The following TEX10 variants were observed in gnomAD, a reference collection of about 807,000 sequenced individuals.
TEX10 encodes testis-expressed protein 10.
A neutral mutation model predicts 104.4 loss-of-function variants in TEX10; 24 were observed. The ratio of observed to expected loss-of-function variants is 0.23; its 90% CI spans 0.17 to 0.32. TEX10 has a LOEUF of 0.32. Among genes scored for constraint, TEX10 ranks in the 10% least tolerant of loss-of-function variants. The pLI is 1.00. For synonymous variants in TEX10, 396 were observed against 393.4 expected (o/e 1.01, Z -0.08); for missense variants, 921 against 1,083.9 (o/e 0.85, Z 2.11).
At chr9:100,341,175 C>T (rs909460198) in intron 4 of TEX10, among the ~76,000 whole-genome samples, 1 of 152,034 alleles carries the variant, frequency 6.6e-6, no homozygotes, top group African/African-American at 2.4e-5. Flanking sequence ...CATGTTGACC[C>T]GGCTGGTCTT....
intron 1 of TEX10, among the ~76,000 whole-genome samples, chr9:100,351,060 C>T (rs1434280891): frequency 6.6e-6 from 1 of 152,054 alleles, no homozygotes; most frequent in Non-Finnish European, 1.5e-5. Context: ...GTCTCAGGAT[C>T]AGGACATACC....
chr9:100,319,828 AT>A (rs1256809728), intron 11 of TEX10, among the ~76,000 whole-genome samples: 2 of 152,218 alleles, frequency 1.3e-5, no homozygotes, highest in African/African-American at 4.8e-5. Flanking sequence ...ATAAAATAAA[AT>A]AAAAAATAAG....
At chr9:100,313,513 CA>C (rs34520951) in intron 11 of TEX10, among the ~76,000 whole-genome samples, 24,467 of 108,738 alleles carry the variant, frequency 0.23, 2,222 homozygotes, top group African/African-American at 0.31. Context: ...GAAACTTGGT[CA>C]AAAAAAAAAA....
intron 11 of TEX10, among the ~76,000 whole-genome samples, chr9:100,316,915 A>AAAAAC (rs1217250328): frequency 1.3e-5 from 2 of 151,054 alleles, no homozygotes; most frequent in African/African-American, 4.9e-5. Flanking sequence ...AAAAAAAAAA[A>AAAAAC]ACCTAGGAAT....
intron 5 of TEX10, among the ~76,000 whole-genome samples, chr9:100,334,056 T>C (rs1433198261): frequency 6.6e-6 from 1 of 152,184 alleles, no homozygotes; most frequent in South Asian, 2.1e-4. Context: ...ATGCATTAAA[T>C]TGGTCTTGAA....
In TEX10 at chr9:100,352,878, G is replaced by A; in HGVS notation, c.-116C>T. The A allele has an allele frequency of 2.0e-6, 2 of 997,866 alleles. No homozygotes were observed. The highest frequency in any genetic ancestry group is 2.4e-6 in the Non-Finnish European group (2 of 838,962). The allele number at this position is 997,866 out of a possible 1,614,324, so 61.8% of individuals were successfully genotyped here. ...CGCCGACCTCAGGCTCTAGCTCCCG[G>A]AGCGTGTTTTCAAATAGCCTCGTCC... On this transcript the variant is annotated 5_prime_UTR_variant, in exon 1 of 15. Transcript: ENST00000374902.
chr9:100,344,889 T>A (rs915672106), intron 4 of TEX10, among the ~76,000 whole-genome samples: 5 of 152,134 alleles, frequency 3.3e-5, no homozygotes, highest in Admixed American at 2.0e-4. Context: ...AAAGTCCATG[T>A]TGAATATTAC....
chr9:100,318,585 G>A (rs1834483005), intron 11 of TEX10, among the ~76,000 whole-genome samples: 1 of 152,072 alleles, frequency 6.6e-6, no homozygotes, highest in South Asian at 2.1e-4. Flanking sequence ...TAACAAAACT[G>A]CATTTGTACC....
chr9:100,303,605 C>T, intron 14 of TEX10, 27 bp downstream of exon 14: 1 of 1,611,482 alleles, frequency 6.2e-7, no homozygotes, highest in Non-Finnish European at 8.5e-7. Context: ...GCTAATACTG[C>T]AAAGCCTCCG....
Position 100,352,883 on chromosome 9 carries a change from T to C in TEX10, c.-121A>G, listed in dbSNP as rs1443256321. The stretch of plus-strand genomic sequence containing the variant: ...ACCTCAGGCTCTAGCTCCCGGAGCG[T>C]GTTTTCAAATAGCCTCGTCCTCACG... On this transcript the variant is annotated 5_prime_UTR_variant, in exon 1 of 15. Coordinates refer to ENST00000374902, the MANE Select transcript of TEX10 (RefSeq NM_017746.4). 5 of 996,434 alleles carry C rather than the reference T, an allele frequency of 5.0e-6. No individual in the cohort carries two copies. The highest frequency in any genetic ancestry group is 1.7e-5 in the African/African-American group (1 of 57,456). 61.7% of individuals were successfully genotyped at this position (996,434 alleles called of 1,614,324 possible).
At chr9:100,303,919 T>C (rs1024467797) in intron 13 of TEX10, 77 bp from the exon 14 acceptor site, 2 of 1,370,754 alleles carry the variant, frequency 1.5e-6, no homozygotes, top group African/African-American at 2.9e-5. Flanking sequence ...TCCCCCAAAG[T>C]GAAATGTCCT....
chr9:100,344,615 C>CGCCT (rs1835256975), intron 4 of TEX10, among the ~76,000 whole-genome samples: 3 of 152,162 alleles, frequency 2.0e-5, no homozygotes, highest in Admixed American at 6.6e-5. Flanking sequence ...GAGGCTGAGG[C>CGCCT]GGGTGGATCA....
chr9:100,339,362 TTATA>T (rs1156702761), intron 5 of TEX10, among the ~76,000 whole-genome samples: 4 of 63,430 alleles, frequency 6.3e-5, no homozygotes, highest in South Asian at 7.4e-4. Context: ...TTTTATATAT[TTATA>T]TATATTTATA....
rs374400521 is a variant in TEX10, at chr9:100,302,184, G to A, written c.*7C>T. ...AACAACTTCAAACAGGAGGTACTAT[G>A]GCCTCTTCAATACACTGTAGCCAGT... On this transcript the variant is annotated 3_prime_UTR_variant, in exon 15 of 15. Coordinates refer to ENST00000374902, the MANE Select transcript of TEX10 (RefSeq NM_017746.4). 26 of 1,525,870 alleles carry A rather than the reference G, an allele frequency of 1.7e-5. No homozygotes were observed. The African/African-American group carries it at 2.3e-4, about 14-fold the overall frequency. 94.5% of individuals were successfully genotyped at this position (1,525,870 alleles called of 1,614,324 possible).
Position 100,347,383 on chromosome 9 carries a change from G to A in TEX10, c.204C>T (p.His68=). The stretch of plus-strand genomic sequence containing the variant: ...CACTTTGTTTAACCCCAGCATTGTA[G>A]TGATGCATCTGTGACAGCAAATCCT... ...NIKDLLSQMH[H]YNAGVKQSAL... is the part of the protein sequence containing the mutation. Residue 68 remains histidine, a synonymous_variant, in exon 3 of 15, where the codon CAC becomes CAT. Transcript: ENST00000374902. The A allele has an allele frequency of 6.3e-7, 1 of 1,593,252 alleles. No individual in the cohort carries two copies. Among genetic ancestry groups the A allele is most frequent in the Non-Finnish European group, 8.5e-7 (1 of 1,170,226 alleles).
chr9:100,321,671 G>A lies in TEX10; in HGVS notation c.2068+12C>T. 1.2e-6 allele frequency: 2 copies of A among 1,601,600 alleles called. No individual in the cohort carries two copies. Among genetic ancestry groups the A allele is most frequent in the South Asian group, 1.1e-5 (1 of 89,944 alleles). ...TTTTTTCTTTTTTAATCTGGCAAGT[G>A]AATGTGGTTACCTGTAAGTGTGGAA... is the stretch of plus-strand genomic sequence containing the variant. On this transcript the variant is annotated intron_variant, in intron 10 of 14. Coordinates refer to ENST00000374902, the MANE Select transcript of TEX10 (RefSeq NM_017746.4).
At chr9:100,324,238 G>C (rs1834647461) in intron 9 of TEX10, among the ~76,000 whole-genome samples, 1 of 151,992 alleles carries the variant, frequency 6.6e-6, no homozygotes, top group South Asian at 2.1e-4. Flanking sequence ...TCACCACGTT[G>C]GCCAGGCTGG....
chr9:100,304,933 A>G (rs1306963743), intron 13 of TEX10: 2 of 152,226 alleles, frequency 1.3e-5, no homozygotes, highest in Non-Finnish European at 2.9e-5. Context: ...ACAAAAAATG[A>G]CAAGTGGGCC....
chr9:100,323,017 C>T (rs1254212065), intron 9 of TEX10, among the ~76,000 whole-genome samples: 2 of 152,146 alleles, frequency 1.3e-5, no homozygotes, highest in African/African-American at 4.8e-5. Context: ...GACAATAGCA[C>T]ATGCTAAGGG....
Sources: gnomAD v4.1 joint callset for allele counts (sites outside exome capture counted in the v4.1 genomes callset) on GRCh38, gnomAD v4.1.1 for gene constraint, MANE v1.5 for transcripts, NCBI Gene and HGNC (gene_info 2026-07-23, HGNC 2026-07-21) for gene names.